The following LDB2 variants were observed in gnomAD, a reference collection of about 807,000 sequenced individuals.
The protein encoded by LDB2 is LIM domain binding 2.
Under a neutral mutation model 44.3 loss-of-function variants are expected in LDB2, and 12 were observed. The ratio of observed to expected loss-of-function variants is 0.27; its 90% confidence interval spans 0.17 to 0.44. The LOEUF (loss-of-function observed/expected upper bound fraction) is 0.44, where lower values mean the gene tolerates loss of function less well. Among genes scored for constraint, LDB2 ranks in the 20% least tolerant of loss-of-function variants. The probability of loss-of-function intolerance (pLI) is 1.00; values close to 1 mark genes in which losing one functional copy is unlikely to be tolerated. For synonymous variants in LDB2, 164 were observed against 174.8 expected (o/e 0.94, Z 0.49); for missense variants, 344 against 473.5 (o/e 0.73, Z 2.54).
intron 5 of LDB2, among the ~76,000 whole-genome samples, chr4:16,513,215 C>G (rs1398830193): frequency 6.6e-6 from 1 of 152,114 alleles, no homozygotes; most frequent in South Asian, 2.1e-4. Flanking sequence ...CTGAAGACTG[C>G]ACATCTCTAC....
chr4:16,793,941 AC>A (rs2109643494), intron 1 of LDB2, among the ~76,000 whole-genome samples: 1 of 152,028 alleles, frequency 6.6e-6, no homozygotes, highest in Non-Finnish European at 1.5e-5. Flanking sequence ...CTTATCTGGG[AC>A]CTGCAGCTCC....
chr4:16,884,554 G>A (rs917498943), intron 1 of LDB2, among the ~76,000 whole-genome samples: 6 of 151,962 alleles, frequency 3.9e-5, no homozygotes, highest in East Asian at 3.9e-4. Context: ...TTGCATTTGC[G>A]TTCTTGCTAC....
At chr4:16,715,454 T>C (rs1223520163) in intron 2 of LDB2, among the ~76,000 whole-genome samples, 1 of 152,212 alleles carries the variant, frequency 6.6e-6, no homozygotes, top group African/African-American at 2.4e-5. Context: ...TATGCTTTTC[T>C]TGCTAAAATT....
rs202231124 is a variant in LDB2 at position 16,563,479 on chromosome 4, C to T, written c.615+22443G>A. 3.9e-3 allele frequency among the ~76,000 whole-genome samples: 406 copies of T among 102,852 alleles called. 1 individual carries two copies. Among genetic ancestry groups the T allele is most frequent in the African/African-American group, 0.014 (366 of 26,160 alleles). 67.5% of individuals were successfully genotyped at this position (102,852 alleles called of 152,430 possible). On this transcript the variant is annotated intron_variant, in intron 5 of 7. Coordinates refer to ENST00000304523, the MANE Select transcript of LDB2 (RefSeq NM_001290.5). ...TTTTTTTTTTTTTGAGATGGAGTCT[C>T]GCTCTGTCACCCAGGCTGGAGTGCA...
intron 6 of LDB2, among the ~76,000 whole-genome samples, chr4:16,510,708 C>CA (rs1258164833): frequency 6.6e-6 from 1 of 152,148 alleles, no homozygotes; most frequent in Non-Finnish European, 1.5e-5. Context: ...CCCTAAGTCT[C>CA]AGAGTGCACT....
chr4:16,842,132 T>A (rs1303060318), intron 1 of LDB2, among the ~76,000 whole-genome samples: 1 of 152,186 alleles, frequency 6.6e-6, no homozygotes, highest in Non-Finnish European at 1.5e-5. Context: ...ACTCCACACA[T>A]TATTTTTTAC....
intron 5 of LDB2, among the ~76,000 whole-genome samples, chr4:16,553,051 G>A (rs1738222294): frequency 1.3e-5 from 2 of 152,206 alleles, no homozygotes; most frequent in Non-Finnish European, 2.9e-5. Flanking sequence ...TGCATTCTGA[G>A]GAGCCATGTC....
At chr4:16,608,927 A>G (rs1229235861) in intron 2 of LDB2, among the ~76,000 whole-genome samples, 1 of 152,180 alleles carries the variant, frequency 6.6e-6, no homozygotes, top group East Asian at 1.9e-4. Flanking sequence ...GTCATTATTA[A>G]AAACTAATAA....
At chr4:16,706,102 T>C (rs1318347527) in intron 2 of LDB2, among the ~76,000 whole-genome samples, 3 of 152,200 alleles carry the variant, frequency 2.0e-5, no homozygotes, top group Non-Finnish European at 2.9e-5. Flanking sequence ...TAATTCTGAA[T>C]TCTTGTGTTC....
At chr4:16,759,086 C>G in intron 2 of LDB2, 72 bp downstream of exon 2, 1 of 952,592 alleles carries the variant, frequency 1.0e-6, no homozygotes, top group East Asian at 2.4e-5. Flanking sequence ...CTGTGCTATT[C>G]TCTGAAGACC....
At chr4:16,860,416 T>G (rs1712137294) in intron 1 of LDB2, among the ~76,000 whole-genome samples, 1 of 152,156 alleles carries the variant, frequency 6.6e-6, no homozygotes, top group African/African-American at 2.4e-5. Context: ...ATGTGCAATC[T>G]TCTCAGGTTA....
rs1553878108 is a variant in LDB2, at chr4:16,522,276, T to TTGTGTGCGTG, written c.616-10173_616-10172insCACGCACACA. ...GATATTCCCCGCCGTGTGTGTGTGT[T>TTGTGTGCGTG]TGTGTGTGTGTGTGTGTGTGTATGT... On this transcript the variant is annotated intron_variant, in intron 5 of 7. Coordinates refer to ENST00000304523, the MANE Select transcript of LDB2 (RefSeq NM_001290.5). Among the ~76,000 whole-genome samples, 419 of 150,350 alleles carry TTGTGTGCGTG rather than the reference T, an allele frequency of 2.8e-3. 4 individuals carry two copies. The highest frequency in any genetic ancestry group is 9.8e-3 in the African/African-American group (401 of 40,812).
intron 2 of LDB2, among the ~76,000 whole-genome samples, chr4:16,693,775 C>A (rs1318587463): frequency 2.0e-5 from 3 of 152,170 alleles, no homozygotes; most frequent in East Asian, 1.9e-4. Flanking sequence ...CACTTCCCTG[C>A]AAATACACAT....
At chr4:16,693,514 T>C (rs1751354770) in intron 2 of LDB2, among the ~76,000 whole-genome samples, 1 of 152,088 alleles carries the variant, frequency 6.6e-6, no homozygotes, top group Non-Finnish European at 1.5e-5. Flanking sequence ...TGCCACCACA[T>C]CCGGCCAATT....
intron 1 of LDB2, among the ~76,000 whole-genome samples, chr4:16,820,983 C>T (rs1317053660): frequency 2.6e-5 from 4 of 152,040 alleles, no homozygotes; most frequent in African/African-American, 9.7e-5. Context: ...TAAATGTTTA[C>T]AGTTTTTTTT....
At chr4:16,889,354 T>C (rs1722670017) in intron 1 of LDB2, 1 of 152,056 alleles carries the variant, frequency 6.6e-6, no homozygotes, top group African/African-American at 2.4e-5. Context: ...AAATATCAAA[T>C]GAGAAAAGAA....
At chr4:16,652,888 G>A (rs1738709854) in intron 2 of LDB2, among the ~76,000 whole-genome samples, 1 of 152,096 alleles carries the variant, frequency 6.6e-6, no homozygotes, top group African/African-American at 2.4e-5. Context: ...GGAGCTATTA[G>A]CAGTCACTTG....
chr4:16,795,094 T>C (rs990254294), intron 1 of LDB2, among the ~76,000 whole-genome samples: 1 of 152,134 alleles, frequency 6.6e-6, no homozygotes, highest in East Asian at 1.9e-4. Context: ...ATGGAGAGCC[T>C]GAGTTGAGGA....
chr4:16,562,890 G>A (rs1176508871), intron 5 of LDB2, among the ~76,000 whole-genome samples: 4 of 152,074 alleles, frequency 2.6e-5, no homozygotes, highest in Non-Finnish European at 4.4e-5. Context: ...GCAGCCATAA[G>A]AAATGATGAG....
Sources: gnomAD v4.1 joint callset for allele counts (sites outside exome capture counted in the v4.1 genomes callset) on GRCh38, gnomAD v4.1.1 for gene constraint, MANE v1.5 for transcripts, NCBI Gene and HGNC (gene_info 2026-07-23, HGNC 2026-07-21) for gene names.